Variants in CWF19L2 observed in about 807,000 individuals in gnomAD.
CWF19L2 encodes CWF19 like cell cycle control factor 2, also known as CWF19-like protein 2.
CWF19L2 carries 98 observed loss-of-function variants against 111.7 expected under a neutral mutation model. The ratio of observed to expected loss-of-function variants is 0.88; its 90% CI spans 0.75 to 1.04. CWF19L2 has a LOEUF of 1.04. Among genes scored for constraint, CWF19L2 ranks in the 50% least tolerant of loss-of-function variants. CWF19L2 has a pLI of 0.00. For missense variants in CWF19L2, 1,101 were observed against 1,051.4 expected (o/e 1.05, Z -0.65); for synonymous variants, 351 against 342.9 (o/e 1.02, Z -0.26).
intron 3 of CWF19L2, among the ~76,000 whole-genome samples, chr11:107,448,714 A>G (rs1357315950): frequency 1.3e-5 from 2 of 152,132 alleles, no homozygotes; most frequent in Non-Finnish European, 1.5e-5. Flanking sequence ...ATGACTGGGA[A>G]TGGGATTAGT....
At chr11:107,388,343 A>G (rs934596673) in intron 12 of CWF19L2, among the ~76,000 whole-genome samples, 11 of 152,300 alleles carry the variant, frequency 7.2e-5, no homozygotes, top group South Asian at 2.1e-4. Context: ...TCTGACACTA[A>G]TTAAGTCTTC....
At chr11:107,434,106 A>T (rs927263633) in intron 6 of CWF19L2, among the ~76,000 whole-genome samples, 1 of 151,762 alleles carries the variant, frequency 6.6e-6, no homozygotes, top group African/African-American at 2.4e-5. Context: ...GTCAGGGAAA[A>T]CTCCACAAAC....
chr11:107,352,700 A>C (rs1211690518), intron 13 of CWF19L2, among the ~76,000 whole-genome samples: 4 of 34,700 alleles, frequency 1.2e-4, no homozygotes, highest in Non-Finnish European at 2.0e-4. Context: ...AAAGAGAAGA[A>C]AAAGAAGATA....
Position 107,418,228 on chromosome 11 carries a change from G to C in CWF19L2, c.1493C>G (p.Ala498Gly). 6.2e-7 allele frequency: 1 copy of C among 1,612,040 alleles called. No individual in the cohort carries two copies. Among genetic ancestry groups the C allele is most frequent in the Non-Finnish European group, 8.5e-7 (1 of 1,178,250 alleles). The part of the protein sequence containing the change: ...LSVDEKNKLG[A>G]KIIKAEMMGN... Reference sequence around the variant, plus strand: ...CATCATCTCTGCTTTGATAATCTTGGCTCCCAACTTGTTCTTCTCATCAAC... The same window carrying C: ...CATCATCTCTGCTTTGATAATCTTGCCTCCCAACTTGTTCTTCTCATCAAC... The change falls in exon 9 of 18, where the codon GCC (alanine) becomes GGC (glycine). Residue 498 changes from alanine (A) to glycine (G), a missense_variant. Transcript: ENST00000282251.
At chr11:107,405,497 G>A (rs1861063822) in intron 10 of CWF19L2, among the ~76,000 whole-genome samples, 1 of 151,978 alleles carries the variant, frequency 6.6e-6, no homozygotes, top group African/African-American at 2.4e-5. Flanking sequence ...ACAGGACCTG[G>A]TACTCTTATT....
chr11:107,442,116 C>T (rs950284708), intron 4 of CWF19L2, among the ~76,000 whole-genome samples: 1 of 152,018 alleles, frequency 6.6e-6, no homozygotes, highest in African/African-American at 2.4e-5. Context: ...GACAGAGATA[C>T]AGTATAAGGC....
Position 107,375,545 on chromosome 11 carries a change from C to T in CWF19L2, c.1872+14529G>A. Among the ~76,000 whole-genome samples, 2 of 137,260 alleles carry T rather than the reference C, an allele frequency of 1.5e-5. 1 individual carries two copies. The highest frequency in any genetic ancestry group is 4.4e-4 in the East Asian group (2 of 4,586). The allele number at this position is 137,260 out of a possible 152,430, so 90.0% of individuals were successfully genotyped here. On this transcript the variant is annotated intron_variant, in intron 12 of 17. Transcript: ENST00000282251. The stretch of plus-strand genomic sequence containing the variant: ...TACTGGGTACATAACGAAATGAAGG[C>T]AGAAATAAAGATGTTCTTCGAAACC...
chr11:107,417,145 A>G (rs545251879), intron 9 of CWF19L2, among the ~76,000 whole-genome samples: 1 of 152,340 alleles, frequency 6.6e-6, no homozygotes, highest in Admixed American at 6.5e-5. Context: ...TTACCAAAAC[A>G]TAAGACTACT....
intron 12 of CWF19L2, among the ~76,000 whole-genome samples, chr11:107,362,330 A>G: frequency 6.6e-6 from 1 of 151,926 alleles, no homozygotes; most frequent in Admixed American, 6.6e-5. Context: ...CCACAGCTCA[A>G]GGAGGACTGC....
intron 12 of CWF19L2, among the ~76,000 whole-genome samples, chr11:107,388,570 C>T (rs1174136406): frequency 2.6e-5 from 4 of 151,890 alleles, no homozygotes; most frequent in African/African-American, 4.8e-5. Context: ...TTAGTAGAGA[C>T]GGGGATTCAC....
At chr11:107,404,152 C>A (rs1042164859) in intron 10 of CWF19L2, 3 of 775,670 alleles carry the variant, frequency 3.9e-6, no homozygotes, top group African/African-American at 3.4e-5. Context: ...AGCTTCTGCA[C>A]GATTTTTTGC....
At chr11:107,421,221 G>C (rs2135401867) in intron 8 of CWF19L2, among the ~76,000 whole-genome samples, 1 of 151,974 alleles carries the variant, frequency 6.6e-6, no homozygotes, top group Middle Eastern at 3.4e-3. Flanking sequence ...TAAGACCAAA[G>C]GAAAATTATA....
At position 107,374,415 on chromosome 11, in the gene CWF19L2, A is replaced by G. The variant is rs1188300543; in HGVS notation, c.1872+15659T>C. ...AAGGGAAGCCCATCAGACTAACAGC[A>G]GATCTCTCGGCAGAAACTCTACAAG... On this transcript the variant is annotated intron_variant, in intron 12 of 17. Transcript: ENST00000282251. Among the ~76,000 whole-genome samples, 474 of 129,020 alleles carry G rather than the reference A, an allele frequency of 3.7e-3. 24 individuals are homozygous for G. Among genetic ancestry groups the G allele is most frequent in the African/African-American group, 0.013 (382 of 30,480 alleles). 84.6% of individuals were successfully genotyped at this position (129,020 alleles called of 152,430 possible). A position where few individuals can be genotyped will look rare whatever the true frequency, so the allele number is the denominator to read the frequency against.
At chr11:107,337,751 C>T (rs948095916) in intron 14 of CWF19L2, among the ~76,000 whole-genome samples, 1 of 152,000 alleles carries the variant, frequency 6.6e-6, no homozygotes, top group Non-Finnish European at 1.5e-5. Context: ...TAAAGTTGGC[C>T]TTGTAAGAGT....
chr11:107,454,982 A>G (rs912001612), intron 2 of CWF19L2, among the ~76,000 whole-genome samples: 2 of 152,188 alleles, frequency 1.3e-5, no homozygotes, highest in African/African-American at 4.8e-5. Flanking sequence ...ATATAACAAG[A>G]TAGCACAAAT....
intron 12 of CWF19L2, among the ~76,000 whole-genome samples, chr11:107,355,968 T>C (rs990271662): frequency 6.6e-6 from 1 of 152,218 alleles, no homozygotes; most frequent in Non-Finnish European, 1.5e-5. Flanking sequence ...CCAAGCTAGA[T>C]GACATTCTGG....
chr11:107,357,400 T>C (rs1389227926), intron 12 of CWF19L2, among the ~76,000 whole-genome samples: 1 of 152,228 alleles, frequency 6.6e-6, no homozygotes, highest in Non-Finnish European at 1.5e-5. Flanking sequence ...AGGAGCACAA[T>C]ACACATTTAT....
At chr11:107,445,237 C>T (rs1029383496) in intron 3 of CWF19L2, among the ~76,000 whole-genome samples, 2 of 152,050 alleles carry the variant, frequency 1.3e-5, no homozygotes, top group African/African-American at 4.8e-5. Context: ...ATCCTTTTTG[C>T]AAAATCCAAT....
chr11:107,435,904 C>T (rs1294730386), intron 6 of CWF19L2, among the ~76,000 whole-genome samples: 1 of 151,766 alleles, frequency 6.6e-6, no homozygotes, highest in African/African-American at 2.4e-5. Context: ...GCCTGTAATC[C>T]CAGCACTTTG....
Sources: gnomAD v4.1 joint callset for allele counts (sites outside exome capture counted in the v4.1 genomes callset) on GRCh38, gnomAD v4.1.1 for gene constraint, MANE v1.5 for transcripts, NCBI Gene and HGNC (gene_info 2026-07-23, HGNC 2026-07-21) for gene names.